The following DLG2 variants were observed in gnomAD, a reference collection of about 807,000 sequenced individuals.
DLG2 encodes the protein disks large homolog 2.
A neutral mutation model predicts 132.5 loss-of-function variants in DLG2; 45 were observed. That is an observed-to-expected ratio of 0.34 (90% CI 0.27 to 0.44). The LOEUF is 0.44. Ranked by LOEUF, DLG2 falls within the 20% of genes least tolerant of loss-of-function variation. DLG2 has a pLI of 1.00. For synonymous variants in DLG2, 424 were observed against 419.6 expected (o/e 1.01, Z -0.13); for missense variants, 1,045 against 1,196.9 (o/e 0.87, Z 1.87).
chr11:85,081,941 GACAA>G (rs1378513637), intron 6 of DLG2, among the ~76,000 whole-genome samples: 12 of 152,186 alleles, frequency 7.9e-5, no homozygotes, highest in Admixed American at 7.2e-4. Flanking sequence ...GAAGAATCTA[GACAA>G]ACAGGCCTTG....
intron 3 of DLG2, among the ~76,000 whole-genome samples, chr11:85,481,433 C>G (rs571666882): frequency 3.9e-5 from 6 of 152,170 alleles, no homozygotes; most frequent in Non-Finnish European, 8.8e-5. Context: ...AATAAGAAAA[C>G]ATGCATGGAA....
At chr11:84,971,617 G>A (rs1286975361) in intron 6 of DLG2, among the ~76,000 whole-genome samples, 1 of 152,104 alleles carries the variant, frequency 6.6e-6, no homozygotes, top group African/African-American at 2.4e-5. Flanking sequence ...TTTATTTGCA[G>A]ATAGAGAGAA....
At chr11:85,613,761 G>C (rs2081162431) in intron 2 of DLG2, among the ~76,000 whole-genome samples, 1 of 152,216 alleles carries the variant, frequency 6.6e-6, no homozygotes, top group Non-Finnish European at 1.5e-5. Flanking sequence ...GCCCGAGCCA[G>C]CAGCAGCAAC....
chr11:83,603,100 G>A (rs148012652), intron 19 of DLG2, among the ~76,000 whole-genome samples: 6 of 151,976 alleles, frequency 3.9e-5, no homozygotes, highest in African/African-American at 1.4e-4. Context: ...ATGCATACAA[G>A]TGATGGTAGT....
intron 3 of DLG2, among the ~76,000 whole-genome samples, chr11:85,444,667 A>G (rs987868609): frequency 3.3e-5 from 5 of 152,234 alleles, no homozygotes; most frequent in Admixed American, 6.5e-5. Context: ...CAGGCCAGTA[A>G]ATAAAAGATC....
intron 6 of DLG2, among the ~76,000 whole-genome samples, chr11:84,611,794 T>C (rs987367498): frequency 2.6e-5 from 4 of 152,164 alleles, no homozygotes. Context: ...AATACCTTTA[T>C]GCCAAAGATG....
rs145794756 is a variant in DLG2, at chr11:83,734,670, T to C, written c.1825+52020A>G. Among the ~76,000 whole-genome samples, 1,215 of 152,214 alleles carry C rather than the reference T, an allele frequency of 8.0e-3. 11 individuals carry two copies. Among genetic ancestry groups the C allele is most frequent in the Middle Eastern group, 0.02 (6 of 294 alleles). On this transcript the variant is annotated intron_variant, in intron 18 of 27. Coordinates refer to ENST00000376104, the MANE Select transcript of DLG2 (RefSeq NM_001142699.3). ...TTCACCACGTTGGCTAGGCTCATCT[T>C]GAACTCATGACCTCATGTGATCTTC...
chr11:85,213,385 A>G (rs541963831), intron 4 of DLG2, among the ~76,000 whole-genome samples: 11 of 152,116 alleles, frequency 7.2e-5, no homozygotes, highest in South Asian at 6.2e-4. Flanking sequence ...GAAAGGCAGG[A>G]CAACTGGAAG....
intron 6 of DLG2, among the ~76,000 whole-genome samples, chr11:85,062,706 T>C (rs139193301): frequency 2.0e-5 from 3 of 151,862 alleles, no homozygotes; most frequent in Admixed American, 6.6e-5. Flanking sequence ...TTAAAAGTTA[T>C]ATGTCACTAA....
intron 6 of DLG2, among the ~76,000 whole-genome samples, chr11:84,550,947 TG>T (rs1389393793): frequency 2.6e-5 from 4 of 152,178 alleles, no homozygotes; most frequent in Non-Finnish European, 5.9e-5. Flanking sequence ...TATGAACAGC[TG>T]TCCTTTCTAT....
At chr11:84,661,974 T>C (rs2099694882) in intron 6 of DLG2, among the ~76,000 whole-genome samples, 1 of 151,972 alleles carries the variant, frequency 6.6e-6, no homozygotes, top group African/African-American at 2.4e-5. Context: ...CATCTGCCCC[T>C]CCCCCATGCA....
Position 84,410,769 on chromosome 11 carries a change from G to C in DLG2, c.519+123801C>G, listed in dbSNP as rs1029585869. On this transcript the variant is annotated intron_variant, in intron 7 of 27. Coordinates refer to ENST00000376104, the MANE Select transcript of DLG2 (RefSeq NM_001142699.3). ...TAATTTTTGTATTTTTAGTAGAGAT[G>C]GGCTTTCACCATGTTGGCCAGCCTG... Among the ~76,000 whole-genome samples, 3 of 151,624 alleles carry C rather than the reference G, an allele frequency of 2.0e-5. No individual in the cohort carries two copies. In the East Asian group the frequency reaches 5.9e-4, roughly 30 times the overall value.
chr11:84,976,363 C>A (rs2054906342), intron 6 of DLG2, among the ~76,000 whole-genome samples: 1 of 152,072 alleles, frequency 6.6e-6, no homozygotes, highest in African/African-American at 2.4e-5. Flanking sequence ...GACTGTAAGA[C>A]TGAGTATATC....
intron 18 of DLG2, chr11:83,643,711 C>T (rs2067263428): frequency 6.6e-6 from 1 of 152,086 alleles, no homozygotes; most frequent in Admixed American, 6.6e-5. Context: ...ACCACTATTC[C>T]TAGGTAAGTA....
At chr11:83,511,952 C>A (rs1030380143) in intron 21 of DLG2, among the ~76,000 whole-genome samples, 1 of 152,042 alleles carries the variant, frequency 6.6e-6, no homozygotes, top group Non-Finnish European at 1.5e-5. Flanking sequence ...TAGGCAGCAA[C>A]ATGGCTATAG....
chr11:83,876,089 A>G (rs1165769089), intron 15 of DLG2, among the ~76,000 whole-genome samples: 1 of 152,168 alleles, frequency 6.6e-6, no homozygotes, highest in Non-Finnish European at 1.5e-5. Context: ...GCCTGGCTCA[A>G]CCACATATAC....
At position 84,814,936 on chromosome 11, in the gene DLG2, C is replaced by T. The variant is rs1056655261; in HGVS notation, c.358-280205G>A. On this transcript the variant is annotated intron_variant, in intron 6 of 27. Coordinates refer to ENST00000376104, the MANE Select transcript of DLG2 (RefSeq NM_001142699.3). Reference sequence around the variant, plus strand: ...GATGAGCCTATTTAACATATAGATGCTTTGCCTGATGGGGCTGCTTTCTGG... The same window carrying T: ...GATGAGCCTATTTAACATATAGATGTTTTGCCTGATGGGGCTGCTTTCTGG... 2.0e-4 allele frequency among the ~76,000 whole-genome samples: 31 copies of T among 152,166 alleles called. 1 individual carries two copies. The highest frequency in any genetic ancestry group is 7.2e-4 in the African/African-American group (30 of 41,538).
At chr11:84,905,721 T>G (rs1258228093) in intron 6 of DLG2, among the ~76,000 whole-genome samples, 1 of 152,178 alleles carries the variant, frequency 6.6e-6, no homozygotes, top group Admixed American at 6.5e-5. Context: ...TTTCTTGTAT[T>G]TTTTATAGTC....
intron 6 of DLG2, among the ~76,000 whole-genome samples, chr11:84,544,822 G>A (rs1383101876): frequency 6.6e-6 from 1 of 152,090 alleles, no homozygotes; most frequent in Admixed American, 6.6e-5. Flanking sequence ...CTGCAGATTT[G>A]TCGTAACAAC....
Sources: allele counts gnomAD v4.1 joint callset (sites outside exome capture counted in the v4.1 genomes callset), GRCh38; gene constraint gnomAD v4.1.1; transcripts MANE v1.5; gene names NCBI Gene and HGNC (gene_info 2026-07-23, HGNC 2026-07-21).